The following CNIH4 variants were observed in gnomAD, a reference collection of about 807,000 sequenced individuals.
CNIH4 encodes the protein cornichon family member 4, also known as protein cornichon homolog 4.
A neutral mutation model predicts 21.5 loss-of-function variants in CNIH4; 9 were observed. That is an observed-to-expected ratio of 0.42 (90% CI 0.25 to 0.73). The LOEUF is 0.73. Among genes scored for constraint, CNIH4 ranks in the 30% least tolerant of loss-of-function variants. The pLI is 0.27. For missense variants in CNIH4, 159 were observed against 170.0 expected (o/e 0.94, Z 0.36); for synonymous variants, 67 against 59.1 (o/e 1.13, Z -0.61).
chr1:224,361,290 G>T (rs1051897411), intron 2 of CNIH4, among the ~76,000 whole-genome samples: 1 of 151,394 alleles, frequency 6.6e-6, no homozygotes, highest in African/African-American at 2.4e-5. Context: ...AATTTTTTTT[G>T]TATTTTTCAT....
rs540347564 is a variant in CNIH4 at position 224,359,786 on chromosome 1, G to A, written c.70-709G>A. 7.2e-5 allele frequency among the ~76,000 whole-genome samples: 11 copies of A among 152,172 alleles called. No individual in the cohort carries two copies. In the South Asian group the frequency reaches 2.3e-3, roughly 32 times the overall value. On this transcript the variant is annotated intron_variant, in intron 1 of 4. Coordinates refer to ENST00000465271, the MANE Select transcript of CNIH4 (RefSeq NM_014184.4). ...TAGCTCAGTGTAACGTGAATCCTGG[G>A]CTCTAGGCATTTTGCTGCCTCACCT...
At position 224,376,307 on chromosome 1, in the gene CNIH4, A is replaced by G. The variant is rs1308131170; in HGVS notation, c.*485A>G. 1 of 985,482 alleles carries G rather than the reference A, an allele frequency of 1.0e-6. No homozygotes were observed. Among genetic ancestry groups the G allele is most frequent in the East Asian group, 1.1e-4 (1 of 8,838 alleles). The allele number at this position is 985,482 out of a possible 1,614,324, so 61.0% of individuals were successfully genotyped here. On this transcript the variant is annotated 3_prime_UTR_variant, in exon 5 of 5. Transcript: ENST00000465271. ...TTAATATGGTTTAAAGATTTATGAG[A>G]CTGTCAGCTAAAAGTCTTTTCACAA...
chr1:224,357,897 GTTGTATTGCACCATCCAGGT>G (rs1276359669), intron 1 of CNIH4, among the ~76,000 whole-genome samples: 1 of 152,198 alleles, frequency 6.6e-6, no homozygotes, highest in African/African-American at 2.4e-5. Flanking sequence ...GTTGCCCAAT[GTTGTATTGCACCATCCAGGT>G]TTAAGTAATT....
intron 4 of CNIH4, 122 bp downstream of exon 4, chr1:224,371,545 G>A (rs1269500767): frequency 2.1e-6 from 2 of 952,628 alleles, no homozygotes; most frequent in Non-Finnish European, 3.2e-6. Context: ...TAAATTCCTT[G>A]TGGCTGTGTA....
intron 4 of CNIH4, 86 bp from the exon 5 acceptor site, chr1:224,375,709 C>A: frequency 1.4e-6 from 2 of 1,446,590 alleles, no homozygotes; most frequent in African/African-American, 1.4e-5. Context: ...CCTTTGTGAA[C>A]CTTAGGGACG....
intron 1 of CNIH4, 108 bp downstream of exon 1, chr1:224,357,101 G>C (rs1672137795): frequency 9.2e-6 from 12 of 1,305,008 alleles, no homozygotes; most frequent in Non-Finnish European, 1.2e-5. Context: ...CCGGCGGCGG[G>C]CGTGGGCTCC....
Position 224,378,972 on chromosome 1 carries a change from A to G in CNIH4, c.*3150A>G. ...CTCTTCCCCTTCCCTCTATAATGGC[A>G]GTACCCAGGGCCCGGTCCATAGACT... On this transcript the variant is annotated 3_prime_UTR_variant, in exon 5 of 5. Coordinates refer to ENST00000465271, the MANE Select transcript of CNIH4 (RefSeq NM_014184.4). The G allele has an allele frequency of 8.4e-7, 1 of 1,192,204 alleles. No homozygotes were observed. 73.9% of individuals were successfully genotyped at this position (1,192,204 alleles called of 1,614,324 possible).
Position 224,376,397 on chromosome 1 carries a change from T to C in CNIH4, c.*575T>C. On this transcript the variant is annotated 3_prime_UTR_variant, in exon 5 of 5. Coordinates refer to ENST00000465271, the MANE Select transcript of CNIH4 (RefSeq NM_014184.4). ...TCTTTGCACAATTTGTGAAACCTTATAAGCCATTTTCCCCAGGTACAATGT... is the reference window on the plus strand; with the variant it reads ...TCTTTGCACAATTTGTGAAACCTTACAAGCCATTTTCCCCAGGTACAATGT... The C allele has an allele frequency of 1.0e-6, 1 of 985,426 alleles. No homozygotes were observed. The highest frequency in any genetic ancestry group is 4.7e-5 in the South Asian group (1 of 21,294). The allele number at this position is 985,426 out of a possible 1,614,324, so 61.0% of individuals were successfully genotyped here.
At chr1:224,364,219 C>G in intron 2 of CNIH4, 1 of 955,152 alleles carries the variant, frequency 1.0e-6, no homozygotes, top group African/African-American at 1.9e-5. Context: ...GAGACTTCCT[C>G]TCTACAAAAA....
At chr1:224,369,833 C>G (rs143126782) in intron 3 of CNIH4, among the ~76,000 whole-genome samples, 1 of 151,842 alleles carries the variant, frequency 6.6e-6, no homozygotes, top group Non-Finnish European at 1.5e-5. Flanking sequence ...TGCGCCACCA[C>G]GCCTGGCTAA....
chr1:224,371,523 T>G (rs899026494), intron 4 of CNIH4, 100 bp downstream of exon 4: 8 of 1,159,900 alleles, frequency 6.9e-6, no homozygotes, highest in Admixed American at 4.6e-5. Context: ...TGTGGAACTT[T>G]CGGGGATTAT....
intron 3 of CNIH4, among the ~76,000 whole-genome samples, chr1:224,369,728 G>T (rs1672569937): frequency 6.8e-6 from 1 of 146,932 alleles, no homozygotes; most frequent in Non-Finnish European, 1.5e-5. Flanking sequence ...CCAGGCTGGA[G>T]TGTGATACCG....
chr1:224,364,252 G>A, intron 2 of CNIH4: 4 of 984,772 alleles, frequency 4.1e-6, no homozygotes, highest in Non-Finnish European at 4.8e-6. Context: ...AAAAAAAAAA[G>A]AAACATGTTT....
intron 2 of CNIH4, among the ~76,000 whole-genome samples, chr1:224,365,456 C>T (rs774945739): frequency 2.6e-5 from 4 of 152,216 alleles, no homozygotes; most frequent in South Asian, 2.1e-4. Context: ...ATGGTTTCCT[C>T]GGGATTCTGG....
intron 2 of CNIH4, 28 bp downstream of exon 2, chr1:224,360,591 G>C: frequency 8.1e-7 from 1 of 1,240,424 alleles, no homozygotes; most frequent in South Asian, 1.7e-5. Context: ...TCATTCTCTG[G>C]CATTGAAGCC....
chr1:224,375,623 A>G (rs1354879286), intron 4 of CNIH4, among the ~76,000 whole-genome samples, 172 bp from the exon 5 acceptor site: 1 of 152,014 alleles, frequency 6.6e-6, no homozygotes, highest in Non-Finnish European at 1.5e-5. Context: ...TTTTAGTGAA[A>G]AAGTTTGGAC....
intron 2 of CNIH4, among the ~76,000 whole-genome samples, chr1:224,365,545 C>T (rs751205564): frequency 6.6e-6 from 1 of 152,160 alleles, no homozygotes; most frequent in Non-Finnish European, 1.5e-5. Context: ...CAAATTAGAG[C>T]TAGGGGCTTT....
At position 224,356,883 on chromosome 1, in the gene CNIH4, G is replaced by A. The variant is rs777482220; in HGVS notation, c.-42G>A. The A allele has an allele frequency of 1.3e-6, 2 of 1,557,814 alleles. No individual in the cohort carries two copies. Among genetic ancestry groups the A allele is most frequent in the South Asian group, 1.2e-5 (1 of 85,856 alleles). ...CTATCAGGGGTGGGTCGGGGCATCC[G>A]AGCGGGTTTGACGGAAGGAGCGGCG... On this transcript the variant is annotated 5_prime_UTR_variant, in exon 1 of 5. Coordinates refer to ENST00000465271, the MANE Select transcript of CNIH4 (RefSeq NM_014184.4).
At chr1:224,360,723 C>T (rs182211267) in intron 2 of CNIH4, among the ~76,000 whole-genome samples, 160 bp downstream of exon 2, 1 of 152,226 alleles carries the variant, frequency 6.6e-6, no homozygotes, top group East Asian at 1.9e-4. Flanking sequence ...TATTTTAGAT[C>T]ATGAAATTAT....
Sources: gnomAD v4.1 joint callset for allele counts (sites outside exome capture counted in the v4.1 genomes callset) on GRCh38, gnomAD v4.1.1 for gene constraint, MANE v1.5 for transcripts, NCBI Gene and HGNC (gene_info 2026-07-23, HGNC 2026-07-21) for gene names.